STPG1: variants seen among roughly 807,000 people sequenced by gnomAD.
STPG1 encodes the protein O(6)-methylguanine-induced apoptosis 2.
Under a neutral mutation model 40.1 loss-of-function variants are expected in STPG1, and 33 were observed. The observed-to-expected ratio is 0.82, with a 90% CI of 0.62 to 1.10. The LOEUF is 1.10. Ranked by LOEUF, STPG1 falls within the 50% of genes least tolerant of loss-of-function variation. The probability of loss-of-function intolerance (pLI) is 0.00; values close to 1 mark genes in which losing one functional copy is unlikely to be tolerated. For synonymous variants in STPG1, 150 were observed against 155.0 expected, an observed-to-expected ratio of 0.97 and a Z score of 0.24; for missense variants, 396 against 415.1, an observed-to-expected ratio of 0.95 and a Z score of 0.40.
rs56656610 is a variant in STPG1, at chr1:24,378,401, C to T, written c.462+1252G>A. On this transcript the variant is annotated intron_variant, in intron 5 of 8. Coordinates refer to ENST00000337248, the MANE Select transcript of STPG1 (RefSeq NM_001199013.2). ...CTGTAATCCCAGCACTTTGGGAGGCCGAGGCAGGTGGATCACGAGATCAGG... is the reference window on the plus strand; with the variant it reads ...CTGTAATCCCAGCACTTTGGGAGGCTGAGGCAGGTGGATCACGAGATCAGG... Among the ~76,000 whole-genome samples, 521 of 152,128 alleles carry T rather than the reference C, an allele frequency of 3.4e-3. 1 individual carries two copies. The highest frequency in any genetic ancestry group is 0.012 in the African/African-American group (488 of 41,496).
At chr1:24,389,847 G>T (rs1642685829) in intron 3 of STPG1, among the ~76,000 whole-genome samples, 1 of 152,176 alleles carries the variant, frequency 6.6e-6, no homozygotes, top group African/African-American at 2.4e-5. Flanking sequence ...ATTATCTTTG[G>T]AGAAAACCTA....
At position 24,369,730 on chromosome 1, in the gene STPG1, T is replaced by C. The variant is rs1553121826; in HGVS notation, c.681A>G (p.Gly227=). ...RGLKLTSTGP[G]PGYYNPSDCT... ...AATCACTGGGGTTGTAATAACCAGGTCCCGGGCCTGTTGACGTCAGTTTTA... is the reference window on the plus strand; with the variant it reads ...AATCACTGGGGTTGTAATAACCAGGCCCCGGGCCTGTTGACGTCAGTTTTA... The change falls in exon 7 of 9, where the codon GGA becomes GGG. Residue 227 remains glycine, a synonymous_variant. Transcript: ENST00000337248. 10 of 1,612,602 alleles carry C rather than the reference T, an allele frequency of 6.2e-6. No homozygotes were observed. In the South Asian group the frequency reaches 9.9e-5, roughly 16 times the overall value.
At chr1:24,367,866 G>T (rs779876370) in intron 7 of STPG1, among the ~76,000 whole-genome samples, 18 of 152,206 alleles carry the variant, frequency 1.2e-4, no homozygotes, top group Admixed American at 1.1e-3. Context: ...GAATCCCTAC[G>T]AGATAAGATC....
intron 1 of STPG1, among the ~76,000 whole-genome samples, chr1:24,402,220 G>A (rs1280770947): frequency 6.6e-6 from 1 of 152,174 alleles, no homozygotes; most frequent in Non-Finnish European, 1.5e-5. Context: ...GAATGTCACA[G>A]AAATGCAATC....
In STPG1 at chr1:24,360,970, C is replaced by T. The variant is rs765501672; in HGVS notation, c.809G>A (p.Gly270Asp). Residue 270 changes from glycine (G) to aspartate (D), a missense_variant, in exon 8 of 9, where the codon GGT becomes GAT. Coordinates refer to ENST00000337248, the MANE Select transcript of STPG1 (RefSeq NM_001199013.2). ...LPPKPPFPGP[G>D]QYEIVDYLGP... is the part of the protein sequence containing the mutation. ...TAAGTAGTCCACGATCTCATACTGACCAGGACCTGGGAAAGGTGGCTTCGG... is the reference window on the plus strand; with the variant it reads ...TAAGTAGTCCACGATCTCATACTGATCAGGACCTGGGAAAGGTGGCTTCGG... The T allele has an allele frequency of 4.3e-6, 7 of 1,613,882 alleles. No individual in the cohort carries two copies. The highest frequency in any genetic ancestry group is 3.3e-5 in the South Asian group (3 of 90,990).
intron 3 of STPG1, among the ~76,000 whole-genome samples, chr1:24,389,575 C>T (rs115489278): frequency 0.013 from 1,940 of 152,236 alleles, 43 homozygotes; most frequent in African/African-American, 0.045. Flanking sequence ...GTTTCCTCTT[C>T]TGTTAAATTA....
Position 24,367,202 on chromosome 1 carries a change from C to T in STPG1, c.737+2472G>A, listed in dbSNP as rs545424354. Among the ~76,000 whole-genome samples, 4 of 152,304 alleles carry T rather than the reference C, an allele frequency of 2.6e-5. No homozygotes were observed. The East Asian group carries it at 7.7e-4, about 29-fold the overall frequency. Reference sequence around the variant, plus strand: ...TGAGGTTGGCTGGAGGCGTGGTGTCCTGTTCACCTGAGCCTCCAGTACAGA... The same window carrying T: ...TGAGGTTGGCTGGAGGCGTGGTGTCTTGTTCACCTGAGCCTCCAGTACAGA... On this transcript the variant is annotated intron_variant, in intron 7 of 8. Coordinates refer to ENST00000337248, the MANE Select transcript of STPG1 (RefSeq NM_001199013.2).
chr1:24,401,162 A>T, intron 2 of STPG1, 157 bp downstream of exon 2: 1 of 518,812 alleles, frequency 1.9e-6, no homozygotes, highest in Non-Finnish European at 3.5e-6. Context: ...CAATCGTCAC[A>T]CTTGAAACAG....
chr1:24,393,659 A>AG (rs1416044597), intron 2 of STPG1, among the ~76,000 whole-genome samples: 2 of 152,346 alleles, frequency 1.3e-5, no homozygotes, highest in Middle Eastern at 6.8e-3. Context: ...CAATTTAAAA[A>AG]GTAGAATTTT....
At chr1:24,380,958 C>T (rs944262786) in intron 4 of STPG1, among the ~76,000 whole-genome samples, 4 of 152,306 alleles carry the variant, frequency 2.6e-5, no homozygotes, top group African/African-American at 7.2e-5. Flanking sequence ...CAGCTTTGAA[C>T]GTGCTTCATC....
chr1:24,381,224 T>G (rs1175788874), intron 4 of STPG1, among the ~76,000 whole-genome samples: 3 of 152,250 alleles, frequency 2.0e-5, no homozygotes, highest in Non-Finnish European at 4.4e-5. Flanking sequence ...GCAAGCCCAT[T>G]CAATCATAGA....
intron 3 of STPG1, among the ~76,000 whole-genome samples, chr1:24,388,006 A>G (rs1461675714): frequency 1.3e-5 from 2 of 152,164 alleles, no homozygotes; most frequent in African/African-American, 4.8e-5. Context: ...CCCATTTGGG[A>G]GGGTAGATTT....
intron 5 of STPG1, among the ~76,000 whole-genome samples, chr1:24,378,392 T>C (rs1006104915): frequency 2.6e-5 from 4 of 152,168 alleles, no homozygotes; most frequent in Non-Finnish European, 5.9e-5. Context: ...TCCCAGCACT[T>C]TGGGAGGCCG....
At chr1:24,377,560 A>C (rs1570025184) in intron 5 of STPG1, among the ~76,000 whole-genome samples, 1 of 152,102 alleles carries the variant, frequency 6.6e-6, no homozygotes, top group Non-Finnish European at 1.5e-5. Flanking sequence ...CTGACCACCA[A>C]GTCAGAGAAG....
At chr1:24,403,816 C>T (rs182685896) in intron 1 of STPG1, among the ~76,000 whole-genome samples, 109 of 151,686 alleles carry the variant, frequency 7.2e-4, no homozygotes, top group African/African-American at 2.6e-3. Context: ...TGCAACTTTG[C>T]TAAACTTTTT....
chr1:24,398,586 G>A (rs577168), intron 2 of STPG1, among the ~76,000 whole-genome samples: 53,946 of 151,880 alleles, frequency 0.36, 9,694 homozygotes, highest in African/African-American at 0.39. Flanking sequence ...ACAAGATTGT[G>A]TATGGGGAAA....
At chr1:24,382,555 T>C (rs1023690038) in intron 4 of STPG1, among the ~76,000 whole-genome samples, 1 of 152,138 alleles carries the variant, frequency 6.6e-6, no homozygotes, top group African/African-American at 2.4e-5. Context: ...CAGGACTTCA[T>C]GAGACGGCAC....
At chr1:24,367,148 C>A (rs558304353) in intron 7 of STPG1, among the ~76,000 whole-genome samples, 2 of 152,348 alleles carry the variant, frequency 1.3e-5, no homozygotes, top group East Asian at 3.9e-4. Context: ...CTGCAGGCTC[C>A]TCCACCTGGC....
intron 2 of STPG1, among the ~76,000 whole-genome samples, chr1:24,392,427 A>G (rs1642812229): frequency 6.6e-6 from 1 of 152,178 alleles, no homozygotes; most frequent in Non-Finnish European, 1.5e-5. Flanking sequence ...GATGGCTGAT[A>G]GCTCTTCAGC....
Sources: gnomAD v4.1 joint callset for allele counts (sites outside exome capture counted in the v4.1 genomes callset) on GRCh38, gnomAD v4.1.1 for gene constraint, MANE v1.5 for transcripts, NCBI Gene and HGNC (gene_info 2026-07-23, HGNC 2026-07-21) for gene names.